The following COL22A1 variants were observed in gnomAD, a reference collection of about 807,000 sequenced individuals.
COL22A1 encodes collagen type XXII alpha 1 chain.
In COL22A1, 221 loss-of-function variants were observed where a neutral mutation model predicts 248.9. The ratio of observed to expected loss-of-function variants is 0.89; its 90% CI spans 0.80 to 0.99. The LOEUF is 0.99. Among genes scored for constraint, COL22A1 ranks in the 50% least tolerant of loss-of-function variants. The probability of loss-of-function intolerance (pLI) is 0.00; values close to 1 mark genes in which losing one functional copy is unlikely to be tolerated. For missense variants in COL22A1, 2,240 were observed against 2,179.0 expected (o/e 1.03, Z -0.56); for synonymous variants, 891 against 793.4 (o/e 1.12, Z -2.07).
At chr8:138,672,270 G>A (rs1028044057) in intron 41 of COL22A1, among the ~76,000 whole-genome samples, 2 of 152,202 alleles carry the variant, frequency 1.3e-5, no homozygotes, top group Admixed American at 1.3e-4. Context: ...AAACAAATGA[G>A]AGACTATCTG....
chr8:138,811,984 A>AG (rs1478012428), intron 8 of COL22A1, 63 bp from the exon 9 acceptor site: 59 of 1,484,328 alleles, frequency 4.0e-5, no homozygotes, highest in Non-Finnish European at 5.0e-5. Context: ...CCCTGGCAGA[A>AG]GCACAGTGTC....
intron 57 of COL22A1, among the ~76,000 whole-genome samples, chr8:138,607,009 G>A (rs1264770994): frequency 6.6e-6 from 1 of 152,128 alleles, no homozygotes; most frequent in East Asian, 1.9e-4. Flanking sequence ...AGCCCCTGAG[G>A]GAGGTCATTA....
intron 30 of COL22A1, among the ~76,000 whole-genome samples, chr8:138,703,909 T>C (rs968523927): frequency 6.6e-6 from 1 of 152,040 alleles, no homozygotes; most frequent in Non-Finnish European, 1.5e-5. Context: ...AACTGGAAAA[T>C]TGGGACACTC....
At chr8:138,830,629 C>T (rs1455999044) in intron 5 of COL22A1, among the ~76,000 whole-genome samples, 1 of 152,222 alleles carries the variant, frequency 6.6e-6, no homozygotes, top group Non-Finnish European at 1.5e-5. Flanking sequence ...TTCCACAGAG[C>T]ATTGCCTGAA....
chr8:138,591,793 C>T (rs1817075639), intron 63 of COL22A1, among the ~76,000 whole-genome samples: 3 of 152,214 alleles, frequency 2.0e-5, no homozygotes, highest in South Asian at 2.1e-4. Flanking sequence ...TGCTCAAGCA[C>T]GTATCTACCC....
chr8:138,619,765 C>A (rs760075575), intron 52 of COL22A1, among the ~76,000 whole-genome samples: 1 of 152,138 alleles, frequency 6.6e-6, no homozygotes, highest in Non-Finnish European at 1.5e-5. Flanking sequence ...CTTAGTACCC[C>A]CCTTTCACTA....
chr8:138,612,041 C>T (rs28605314), intron 56 of COL22A1, among the ~76,000 whole-genome samples: 16,477 of 151,982 alleles, frequency 0.11, 910 homozygotes, highest in South Asian at 0.18. Context: ...AAGCCAGTTG[C>T]GAAAGATAAA....
intron 51 of COL22A1, among the ~76,000 whole-genome samples, chr8:138,625,852 AT>A (rs1444248177): frequency 6.6e-6 from 1 of 152,188 alleles, no homozygotes; most frequent in Non-Finnish European, 1.5e-5. Flanking sequence ...TAACACAGTT[AT>A]ATATATATGT....
In COL22A1 at chr8:138,756,913, G is replaced by A. The variant is rs909916711; in HGVS notation, c.1903-1084C>T. On this transcript the variant is annotated intron_variant, in intron 18 of 64. Coordinates refer to ENST00000303045, the MANE Select transcript of COL22A1 (RefSeq NM_152888.3). ...AAAATCCCGATCCATCATGTTTTAT[G>A]TCAAAAACCTTGAGTGCCAGTTTTC... 7.9e-5 allele frequency among the ~76,000 whole-genome samples: 12 copies of A among 152,208 alleles called. No individual in the cohort carries two copies. In the South Asian group the frequency reaches 1.0e-3, roughly 13 times the overall value.
intron 3 of COL22A1, among the ~76,000 whole-genome samples, chr8:138,845,773 T>C (rs761805513): frequency 3.9e-5 from 6 of 152,138 alleles, no homozygotes; most frequent in Non-Finnish European, 8.8e-5. Flanking sequence ...TGGGCAAGAT[T>C]ATGCCCACAA....
chr8:138,648,231 A>G (rs183662564), intron 46 of COL22A1, among the ~76,000 whole-genome samples: 131 of 152,272 alleles, frequency 8.6e-4, no homozygotes, highest in African/African-American at 3.1e-3. Context: ...AGAAATTTCG[A>G]GGACTGTGGC....
At chr8:138,703,738 C>T (rs554626874) in intron 30 of COL22A1, among the ~76,000 whole-genome samples, 18 of 152,282 alleles carry the variant, frequency 1.2e-4, no homozygotes, top group Admixed American at 1.1e-3. Context: ...GTGATTTATG[C>T]ATTCCAGCTG....
intron 21 of COL22A1, among the ~76,000 whole-genome samples, chr8:138,752,941 A>G (rs1039069595): frequency 1.1e-4 from 17 of 152,350 alleles, no homozygotes; most frequent in African/African-American, 3.6e-4. Context: ...GGGCTCAGTC[A>G]GGCTCCATGG....
chr8:138,767,512 T>C (rs1480911538), intron 16 of COL22A1, among the ~76,000 whole-genome samples: 1 of 152,094 alleles, frequency 6.6e-6, no homozygotes, highest in East Asian at 1.9e-4. Context: ...CCAGCTGTAT[T>C]AGGAGAACTC....
rs990556127 is a variant in COL22A1 at position 138,877,945 on chromosome 8, G to A, written c.463C>T (p.Gln155Ter). ...VAILLTDGRS[Q>*]DLVLDAAAAA... ...GCCGCGGCGTCCAGCACCAGGTCCT[G>A]GCTGCGGCCGTCGGTGAGCAGGATG... The change falls in exon 3 of 65, where the codon CAG (glutamine) becomes TAG (stop). Residue 155 changes from glutamine (Q) to a stop codon, truncating the protein, a stop_gained. Transcript: ENST00000303045. LOFTEE classifies it high-confidence loss of function. 1.3e-6 allele frequency: 2 copies of A among 1,599,990 alleles called. No homozygotes were observed. The highest frequency in any genetic ancestry group is 1.7e-6 in the Non-Finnish European group (2 of 1,173,034).
intron 47 of COL22A1, among the ~76,000 whole-genome samples, chr8:138,643,609 T>G (rs1301637486): frequency 6.8e-6 from 1 of 146,528 alleles, no homozygotes; most frequent in African/African-American, 2.6e-5. Flanking sequence ...CCCTATGCAA[T>G]ATAGATAGAT....
Position 138,602,149 on chromosome 8 carries a change from C to T in COL22A1, c.4151G>A (p.Gly1384Glu). The T allele has an allele frequency of 6.2e-7, 1 of 1,614,118 alleles. No individual in the cohort carries two copies. Among genetic ancestry groups the T allele is most frequent in the South Asian group, 1.1e-5 (1 of 91,088 alleles). ...KGVPGKEGVP[G>E]KPGEPGFKGE... ...TTTGAATCCAGGCTCTCCAGGCTTC[C>T]CAGGGACCCCCTGCAAGGAGAAAGA... is the stretch of plus-strand genomic sequence containing the variant. The change falls in exon 60 of 65, where the codon GGG becomes GAG. Residue 1384 changes from glycine to glutamate, a missense_variant. Physicochemically the swap from Gly to Glu is moderately conservative, Grantham distance 98. Transcript: ENST00000303045.
chr8:138,645,988 T>C (rs1051522948), intron 47 of COL22A1, among the ~76,000 whole-genome samples: 1 of 152,126 alleles, frequency 6.6e-6, no homozygotes, highest in Non-Finnish European at 1.5e-5. Flanking sequence ...TCAGGCAGTT[T>C]CTTCTTAGAG....
chr8:138,908,395 T>G (rs544792420), intron 1 of COL22A1, among the ~76,000 whole-genome samples: 1 of 152,252 alleles, frequency 6.6e-6, no homozygotes, highest in Non-Finnish European at 1.5e-5. Context: ...AAAACATGCT[T>G]TTGTTACTTT....
Sources: gnomAD v4.1 joint callset for allele counts (sites outside exome capture counted in the v4.1 genomes callset) on GRCh38, gnomAD v4.1.1 for gene constraint, MANE v1.5 for transcripts, NCBI Gene and HGNC (gene_info 2026-07-23, HGNC 2026-07-21) for gene names.